Variants in CADM2 observed in about 807,000 individuals in gnomAD.
CADM2 encodes the protein cell adhesion molecule 2.
In CADM2, 12 loss-of-function variants were observed where a neutral mutation model predicts 49.8. The ratio of observed to expected loss-of-function variants is 0.24; its 90% CI spans 0.15 to 0.39. The LOEUF is 0.39. Ranked by LOEUF, CADM2 falls within the 10% of genes least tolerant of loss-of-function variation. The probability of loss-of-function intolerance (pLI) is 1.00; values close to 1 mark genes in which losing one functional copy is unlikely to be tolerated. For synonymous variants in CADM2, 214 were observed against 175.4 expected (o/e 1.22, Z -1.74); for missense variants, 378 against 492.3 (o/e 0.77, Z 2.20).
intron 8 of CADM2, among the ~76,000 whole-genome samples, chr3:86,064,202 C>T (rs1326887417): frequency 1.3e-5 from 2 of 152,036 alleles, no homozygotes; most frequent in African/African-American, 4.8e-5. Flanking sequence ...CTATCCCTCC[C>T]CTCTTCCCCC....
intron 1 of CADM2, among the ~76,000 whole-genome samples, chr3:84,997,353 T>C (rs9823454): frequency 0.31 from 46,589 of 151,938 alleles, 7,524 homozygotes; most frequent in Middle Eastern, 0.34. Context: ...AATTAACAAA[T>C]ATCTTAACTT....
intron 7 of CADM2, among the ~76,000 whole-genome samples, chr3:85,951,542 T>A (rs1372117002): frequency 6.6e-6 from 1 of 150,978 alleles, no homozygotes; most frequent in East Asian, 2.0e-4. Flanking sequence ...CATGTCTATT[T>A]TCAATATTAT....
intron 1 of CADM2, among the ~76,000 whole-genome samples, chr3:85,034,816 C>CTTTTTTTTTTTTTTTTT (rs2035143600): frequency 2.4e-5 from 2 of 82,270 alleles, no homozygotes; most frequent in Admixed American, 3.5e-4. Context: ...TTTTTTTTTA[C>CTTTTTTTTTTTTTTTTT]CTCCTGAGAC....
chr3:85,989,762 C>T (rs987310874), intron 8 of CADM2, among the ~76,000 whole-genome samples: 1 of 151,794 alleles, frequency 6.6e-6, no homozygotes, highest in Non-Finnish European at 1.5e-5. Context: ...CCTTTAATCC[C>T]AGCACTTTTG....
intron 1 of CADM2, among the ~76,000 whole-genome samples, chr3:85,231,275 A>T (rs1362469839): frequency 6.6e-6 from 1 of 152,112 alleles, no homozygotes; most frequent in East Asian, 1.9e-4. Context: ...TTGTGTGCAA[A>T]TTCTCCCAAA....
At chr3:85,736,269 C>T (rs183797677) in intron 2 of CADM2, among the ~76,000 whole-genome samples, 2 of 152,234 alleles carry the variant, frequency 1.3e-5, no homozygotes, top group Admixed American at 6.5e-5. Context: ...GCAATGTAAC[C>T]TTGGTAATTG....
At chr3:85,477,947 C>T (rs1440573396) in intron 1 of CADM2, among the ~76,000 whole-genome samples, 1 of 151,920 alleles carries the variant, frequency 6.6e-6, no homozygotes, top group Admixed American at 6.6e-5. Context: ...TTGTTGGAAA[C>T]TCACTATTAG....
chr3:85,704,013 G>A (rs1470405304), intron 1 of CADM2, among the ~76,000 whole-genome samples: 2 of 152,080 alleles, frequency 1.3e-5, no homozygotes, highest in Admixed American at 6.5e-5. Context: ...TTTTTGCTCT[G>A]TAATTAGTCA....
intron 1 of CADM2, among the ~76,000 whole-genome samples, chr3:85,399,429 C>G (rs1192399198): frequency 2.0e-5 from 3 of 152,116 alleles, no homozygotes; most frequent in South Asian, 2.1e-4. Flanking sequence ...CAGCTTTGTT[C>G]TTTTGGCTTA....
chr3:85,909,724 A>C (rs1459800866), intron 5 of CADM2, among the ~76,000 whole-genome samples: 1 of 152,226 alleles, frequency 6.6e-6, no homozygotes, highest in Admixed American at 6.5e-5. Flanking sequence ...AAAGGAAAGG[A>C]AAGTGGACAG....
intron 3 of CADM2, among the ~76,000 whole-genome samples, chr3:85,842,375 G>C (rs1177800640): frequency 2.0e-5 from 3 of 152,070 alleles, no homozygotes; most frequent in Non-Finnish European, 4.4e-5. Context: ...AGTTATATTT[G>C]CCTGTCTTCC....
intron 1 of CADM2, among the ~76,000 whole-genome samples, chr3:85,108,051 C>G (rs1448201454): frequency 6.6e-6 from 1 of 152,058 alleles, no homozygotes; most frequent in Non-Finnish European, 1.5e-5. Context: ...ACCATATGAT[C>G]CAGCATTTCC....
chr3:85,367,527 T>C (rs2032872942), intron 1 of CADM2, among the ~76,000 whole-genome samples: 2 of 151,776 alleles, frequency 1.3e-5, no homozygotes, highest in South Asian at 4.1e-4. Flanking sequence ...ATTATATTAT[T>C]CATTCCCAGG....
chr3:85,492,535 C>A (rs577550391), intron 1 of CADM2, among the ~76,000 whole-genome samples: 110 of 151,672 alleles, frequency 7.3e-4, no homozygotes, highest in Middle Eastern at 6.8e-3. Context: ...GAGGTTGCAG[C>A]GAGCCAAGAT....
intron 1 of CADM2, among the ~76,000 whole-genome samples, chr3:85,119,747 A>C (rs2107587894): frequency 6.6e-6 from 1 of 152,142 alleles, no homozygotes; most frequent in African/African-American, 2.4e-5. Context: ...TAGATGTTTT[A>C]TTCTCTTTGA....
intron 1 of CADM2, among the ~76,000 whole-genome samples, chr3:85,283,780 A>G (rs558464751): frequency 6.6e-6 from 1 of 152,266 alleles, no homozygotes; most frequent in South Asian, 2.1e-4. Flanking sequence ...AGTCAAGTCC[A>G]ATGTCATATG....
At position 85,412,442 on chromosome 3, in the gene CADM2, A is replaced by T. The variant is rs191462171; in HGVS notation, c.62-314080A>T. On this transcript the variant is annotated intron_variant, in intron 1 of 9. Coordinates refer to ENST00000383699, the MANE Select transcript of CADM2 (RefSeq NM_001167675.2). ...TTTTTTGGGACAGAAGGTCACCAAT[A>T]AAAGCTGTAAGGTGAATTCTCTTGA... Among the ~76,000 whole-genome samples, 20 of 152,300 alleles carry T rather than the reference A, an allele frequency of 1.3e-4. No homozygotes were observed. The East Asian group carries it at 3.9e-3, about 29-fold the overall frequency.
At chr3:84,982,165 TTAG>T (rs1320095217) in intron 1 of CADM2, among the ~76,000 whole-genome samples, 2 of 152,214 alleles carry the variant, frequency 1.3e-5, no homozygotes, top group African/African-American at 2.4e-5. Context: ...TGATGTCACA[TTAG>T]AAGGACACTT....
Position 85,138,445 on chromosome 3 carries a change from A to G in CADM2, c.61+178777A>G, listed in dbSNP as rs113638012. ...CTTTATTTTTCAAAACCAGTTGGGC[A>G]TTCAGACTTAGATATTTAGAACCAA... On this transcript the variant is annotated intron_variant, in intron 1 of 9. Transcript: ENST00000383699. Among the ~76,000 whole-genome samples, 1,048 of 152,274 alleles carry G rather than the reference A, an allele frequency of 6.9e-3. 10 individuals carry two copies. The highest frequency in any genetic ancestry group is 0.023 in the African/African-American group (959 of 41,572).
Sources: allele counts gnomAD v4.1 joint callset (sites outside exome capture counted in the v4.1 genomes callset), GRCh38; gene constraint gnomAD v4.1.1; transcripts MANE v1.5; gene names NCBI Gene and HGNC (gene_info 2026-07-23, HGNC 2026-07-21).